Variants in CLHC1 observed in about 807,000 individuals in gnomAD.
CLHC1 encodes the protein clathrin heavy chain linker domain-containing protein 1.
A neutral mutation model predicts 69.5 loss-of-function variants in CLHC1; 72 were observed. The observed-to-expected ratio is 1.04, with a 90% confidence interval of 0.86 to 1.26. The LOEUF is 1.26. CLHC1 is among the 50% of genes most tolerant of loss of function. The pLI is 0.00. For synonymous variants in CLHC1, 223 were observed against 224.3 expected (o/e 0.99, Z 0.05); for missense variants, 790 against 679.3 (o/e 1.16, Z -1.81).
chr2:55,210,167 C>A (rs192874652), intron 5 of CLHC1, among the ~76,000 whole-genome samples: 3 of 151,512 alleles, frequency 2.0e-5, no homozygotes, highest in Non-Finnish European at 2.9e-5. Context: ...GCCAGGCTAG[C>A]AGTTTTATTT....
intron 4 of CLHC1, among the ~76,000 whole-genome samples, chr2:55,214,186 C>A (rs1673272237): frequency 6.6e-6 from 1 of 152,152 alleles, no homozygotes; most frequent in South Asian, 2.1e-4. Context: ...TTTGTCAATA[C>A]ATAAATGTCA....
Position 55,232,274 on chromosome 2 carries a change from A to G in CLHC1, c.-307T>C. On this transcript the variant is annotated 5_prime_UTR_variant, in exon 1 of 13. Transcript: ENST00000401408. ...TCCAAACACCGACTTCAGTGCTTAG[A>G]GATAGTAACTAGGGAATCTGGGAGG... 1 of 196,644 alleles carries G rather than the reference A, an allele frequency of 5.1e-6. No individual in the cohort carries two copies. Among genetic ancestry groups the G allele is most frequent in the Non-Finnish European group, 1.1e-5 (1 of 92,694 alleles). The allele number at this position is 196,644 out of a possible 1,614,324, so 12.2% of individuals were successfully genotyped here.
Position 55,222,428 on chromosome 2 carries a change from A to G in CLHC1, c.-17T>C. The stretch of plus-strand genomic sequence containing the variant: ...AACTGACATATTTGACAATCTGCAC[A>G]CTTGTTCACTGAAGAACAGCTAAAT... On this transcript the variant is annotated 5_prime_UTR_variant, in exon 3 of 13. Coordinates refer to ENST00000401408, the MANE Select transcript of CLHC1 (RefSeq NM_152385.4). The G allele has an allele frequency of 1.2e-6, 2 of 1,606,398 alleles. No individual in the cohort carries two copies. Among genetic ancestry groups the G allele is most frequent in the Non-Finnish European group, 1.7e-6 (2 of 1,175,858 alleles).
intron 9 of CLHC1, 27 bp from the exon 10 acceptor site, chr2:55,181,771 T>A (rs750083449): frequency 6.3e-7 from 1 of 1,575,792 alleles, no homozygotes; most frequent in Non-Finnish European, 8.7e-7. Flanking sequence ...ATTTTCTGAG[T>A]CAAATACTTT....
At chr2:55,214,348 G>C (rs1310507017) in intron 4 of CLHC1, 1 of 152,032 alleles carries the variant, frequency 6.6e-6, no homozygotes, top group Non-Finnish European at 1.5e-5. Context: ...TCTCTACTAA[G>C]AATACAAAAA....
At chr2:55,184,074 C>T (rs1333977380) in intron 9 of CLHC1, among the ~76,000 whole-genome samples, 6 of 150,106 alleles carry the variant, frequency 4.0e-5, no homozygotes, top group Non-Finnish European at 5.9e-5. Flanking sequence ...CTACCATGCT[C>T]GGCCTGTTTT....
At position 55,175,917 on chromosome 2, in the gene CLHC1, A is replaced by C. The variant is rs181161794; in HGVS notation, c.1634T>G (p.Ile545Arg). ...TTTGTCAAAGCCATTCTGTGAACATATATTTGCCACTTCTTGCCACTTTTC... is the reference window on the plus strand; with the variant it reads ...TTTGTCAAAGCCATTCTGTGAACATCTATTTGCCACTTCTTGCCACTTTTC... ...SIEKWQEVAN[I>R]CSQNGFDKLS... The change falls in exon 13 of 13, where the codon ATA (isoleucine) becomes AGA (arginine). Residue 545 changes from isoleucine (I) to arginine (R), a missense_variant. Transcript: ENST00000401408. 1 of 1,614,080 alleles carries C rather than the reference A, an allele frequency of 6.2e-7. No homozygotes were observed. Among genetic ancestry groups the C allele is most frequent in the East Asian group, 2.2e-5 (1 of 44,864 alleles).
intron 8 of CLHC1, among the ~76,000 whole-genome samples, chr2:55,207,139 A>G (rs1672532111): frequency 6.6e-6 from 1 of 151,988 alleles, no homozygotes; most frequent in Admixed American, 6.6e-5. Flanking sequence ...GAAGCTGCCA[A>G]ACTGGAGATC....
chr2:55,187,956 A>T (rs1475815597), intron 9 of CLHC1, among the ~76,000 whole-genome samples: 1 of 152,182 alleles, frequency 6.6e-6, no homozygotes, highest in Non-Finnish European at 1.5e-5. Flanking sequence ...AAAAATATAG[A>T]CAATCCAGCA....
intron 9 of CLHC1, 93 bp downstream of exon 9, chr2:55,206,177 T>A: frequency 1.4e-6 from 1 of 712,782 alleles, no homozygotes; most frequent in African/African-American, 1.8e-5. Context: ...GGGGCCTAGA[T>A]CTTTAGTCTC....
At chr2:55,214,570 T>A (rs542942411) in intron 4 of CLHC1, 1 of 152,220 alleles carries the variant, frequency 6.6e-6, no homozygotes, top group African/African-American at 2.4e-5. Flanking sequence ...CTGCTTCTGA[T>A]TATTATATAG....
At chr2:55,176,373 A>G (rs961994135) in intron 12 of CLHC1, among the ~76,000 whole-genome samples, 12 of 152,212 alleles carry the variant, frequency 7.9e-5, no homozygotes, top group African/African-American at 2.9e-4. Flanking sequence ...ACTATGAAAT[A>G]ACTGTAAACC....
intron 9 of CLHC1, among the ~76,000 whole-genome samples, chr2:55,201,693 C>T (rs1671959259): frequency 6.6e-6 from 1 of 152,088 alleles, no homozygotes; most frequent in Non-Finnish European, 1.5e-5. Context: ...GATACCAAAA[C>T]CAGACAAAGA....
chr2:55,193,394 T>C (rs371697171), intron 9 of CLHC1, among the ~76,000 whole-genome samples: 3 of 151,752 alleles, frequency 2.0e-5, no homozygotes, highest in African/African-American at 7.3e-5. Context: ...GCAAATCAAG[T>C]ATCAAATAGG....
upstream of CLHC1, chr2:55,232,503 C>T: frequency 2.2e-6 from 1 of 453,210 alleles, no homozygotes; most frequent in African/African-American, 2.0e-5. Context: ...GTTTCGAAAG[C>T]ATTCCGAAGG....
At chr2:55,176,530 T>C (rs72797555) in intron 12 of CLHC1, among the ~76,000 whole-genome samples, 9,439 of 152,288 alleles carry the variant, frequency 0.062, 410 homozygotes, top group Admixed American at 0.13. Flanking sequence ...CAAATATTTT[T>C]CTTAAGGAAA....
intron 9 of CLHC1, among the ~76,000 whole-genome samples, chr2:55,203,039 TA>T (rs1458602895): frequency 6.6e-6 from 1 of 152,124 alleles, no homozygotes; most frequent in African/African-American, 2.4e-5. Context: ...ATCCTGCTTA[TA>T]ATAGCCACAA....
At chr2:55,206,977 T>C (rs992151707) in intron 8 of CLHC1, 1 of 149,504 alleles carries the variant, frequency 6.7e-6, no homozygotes, top group Non-Finnish European at 1.5e-5. Flanking sequence ...TAGCCAGGCG[T>C]GGTGGCATGT....
At chr2:55,206,950 C>CA (rs34534420) in intron 8 of CLHC1, 25,225 of 129,346 alleles carry the variant, frequency 0.2, 2,255 homozygotes, top group East Asian at 0.31. Context: ...ACTAAAAATA[C>CA]AAAAAAAAAA....
Sources: allele counts gnomAD v4.1 joint callset (sites outside exome capture counted in the v4.1 genomes callset), GRCh38; gene constraint gnomAD v4.1.1; transcripts MANE v1.5; gene names NCBI Gene and HGNC (gene_info 2026-07-23, HGNC 2026-07-21).